The following CFAP221 variants were observed in gnomAD, a reference collection of about 807,000 sequenced individuals.
CFAP221 encodes the protein cilia- and flagella-associated protein 221.
A neutral mutation model predicts 113.1 loss-of-function variants in CFAP221; 97 were observed. The observed-to-expected ratio is 0.86, with a 90% CI of 0.73 to 1.02. CFAP221 has a LOEUF of 1.02. Ranked by LOEUF, CFAP221 falls within the 50% of genes least tolerant of loss-of-function variation. CFAP221 has a pLI of 0.00. For synonymous variants in CFAP221, 331 were observed against 354.4 expected (o/e 0.93, Z 0.74); for missense variants, 1,025 against 1,013.4 (o/e 1.01, Z -0.16).
chr2:119,564,171 G>A (rs1681459923), intron 6 of CFAP221, among the ~76,000 whole-genome samples: 1 of 152,176 alleles, frequency 6.6e-6, no homozygotes, highest in Non-Finnish European at 1.5e-5. Flanking sequence ...TTTTAGTGGT[G>A]GTAGAGGCTT....
intron 21 of CFAP221, among the ~76,000 whole-genome samples, chr2:119,645,078 TTC>T (rs1373051156): frequency 6.7e-6 from 1 of 149,176 alleles, no homozygotes; most frequent in Non-Finnish European, 1.5e-5. Flanking sequence ...TCTTTTTCTT[TTC>T]TCTTTCTTTT....
chr2:119,572,072 G>A (rs1437585757), intron 6 of CFAP221, among the ~76,000 whole-genome samples: 8 of 152,188 alleles, frequency 5.3e-5, no homozygotes, highest in Non-Finnish European at 1.5e-5. Flanking sequence ...GAATTGGGCT[G>A]GTATGTATTC....
chr2:119,634,499 T>C (rs958599900), intron 19 of CFAP221, among the ~76,000 whole-genome samples: 7 of 151,890 alleles, frequency 4.6e-5, no homozygotes, highest in African/African-American at 1.7e-4. Context: ...AAACAGGATA[T>C]CAAAGAGATA....
chr2:119,622,785 A>G (rs1011903569), intron 14 of CFAP221, among the ~76,000 whole-genome samples: 2 of 152,232 alleles, frequency 1.3e-5, no homozygotes, highest in African/African-American at 4.8e-5. Flanking sequence ...TTATCTTAAT[A>G]GATGCAGAAA....
Position 119,605,004 on chromosome 2 carries a change from C to A in CFAP221, c.1024+17C>A. 6.2e-7 allele frequency: 1 copy of A among 1,603,972 alleles called. No individual in the cohort carries two copies. Among genetic ancestry groups the A allele is most frequent in the African/African-American group, 1.3e-5 (1 of 74,758 alleles). ...TAAGAGAAGGTAACCAGTTGATTGG[C>A]CATAAAGCAGCCCCTGAGCAGAATA... On this transcript the variant is annotated intron_variant, in intron 10 of 23. Coordinates refer to ENST00000413369, the MANE Select transcript of CFAP221 (RefSeq NM_001271049.2).
Position 119,639,790 on chromosome 2 carries a change from C to A in CFAP221, c.2143C>A (p.Pro715Thr), listed in dbSNP as rs765107910. The A allele has an allele frequency of 6.8e-6, 11 of 1,613,972 alleles. No homozygotes were observed. The highest frequency in any genetic ancestry group is 9.3e-6 in the Non-Finnish European group (11 of 1,179,868). ...KQFLHHTDII[P>T]GIMHWKSFQS... is the part of the protein sequence containing the mutation. ...CTGACTTTCCTTACAGGACATTATT[C>A]CCGGAATAATGCACTGGAAAAGCTT... The change falls in exon 21 of 24, where the codon CCC (proline) becomes ACC (threonine). Residue 715 changes from proline (P) to threonine (T), a missense_variant. Pro to Thr is a conservative substitution (Grantham distance 38). Coordinates refer to ENST00000413369, the MANE Select transcript of CFAP221 (RefSeq NM_001271049.2).
chr2:119,545,312 G>A (rs955691427), intron 1 of CFAP221: 2 of 152,254 alleles, frequency 1.3e-5, no homozygotes, highest in Non-Finnish European at 2.9e-5. Flanking sequence ...GGGAATGTGA[G>A]ATTTGTAAAA....
At chr2:119,629,277 T>C (rs2104759152) in intron 16 of CFAP221, among the ~76,000 whole-genome samples, 1 of 152,206 alleles carries the variant, frequency 6.6e-6, no homozygotes, top group East Asian at 1.9e-4. Context: ...GCAGGAAGTG[T>C]ATTAGGCAGT....
At chr2:119,559,657 A>G in intron 3 of CFAP221, 32 bp from the exon 4 acceptor site, 2 of 1,466,242 alleles carry the variant, frequency 1.4e-6, no homozygotes, top group South Asian at 1.2e-5. Context: ...AAAGCCGTGT[A>G]TTTCCTCTAA....
rs1203012232 is a variant in CFAP221 at position 119,604,866 on chromosome 2, G to A, written c.913-10G>A. 3 of 1,613,452 alleles carry A rather than the reference G, an allele frequency of 1.9e-6. No individual in the cohort carries two copies. Among genetic ancestry groups the A allele is most frequent in the South Asian group, 1.1e-5 (1 of 90,974 alleles). On this transcript the variant is annotated splice_polypyrimidine_tract_variant and intron_variant, in intron 9 of 23. Transcript: ENST00000413369. Reference sequence around the variant, plus strand: ...GACTAACTGATTTCCCTATTGATTTGGTCTCTTAGGAAATTGAGTACCAGA... The same window carrying A: ...GACTAACTGATTTCCCTATTGATTTAGTCTCTTAGGAAATTGAGTACCAGA...
chr2:119,560,045 C>CTTTTTTT lies in CFAP221; in HGVS notation c.426+33_426+39dup, dbSNP rs35631078. On this transcript the variant is annotated intron_variant, in intron 5 of 23. Coordinates refer to ENST00000413369, the MANE Select transcript of CFAP221 (RefSeq NM_001271049.2). ...CTGTAAGGTAGGTCTCTTAAAATTG[C>CTTTTTTT]TTTTTTTTTTTTTTTTTTTTGATGG... 1.4e-5 allele frequency: 12 copies of CTTTTTTT among 875,956 alleles called. No homozygotes were observed. The highest frequency in any genetic ancestry group is 1.3e-4 in the Admixed American group (4 of 31,556). The allele number at this position is 875,956 out of a possible 1,614,324, so 54.3% of individuals were successfully genotyped here.
At chr2:119,590,176 T>TA (rs1683503108) in intron 7 of CFAP221, 2 of 152,206 alleles carry the variant, frequency 1.3e-5, no homozygotes, top group African/African-American at 2.4e-5. Context: ...GGCTGTTGCT[T>TA]AGAGTTCTTA....
intron 6 of CFAP221, among the ~76,000 whole-genome samples, chr2:119,574,626 A>G (rs575068570): frequency 6.6e-6 from 1 of 152,290 alleles, no homozygotes; most frequent in South Asian, 2.1e-4. Context: ...TGACACCTGA[A>G]CACTGCACAA....
At position 119,608,582 on chromosome 2, in the gene CFAP221, A is replaced by G. The variant is rs1271989481; in HGVS notation, c.1214A>G (p.Lys405Arg). ...LTEEWQKACA[K>R]YKLDRGDPIL... ...GAAGAGTGGCAAAAAGCATGTGCCA[A>G]ATATAAGGTCAGAGTTACTGCTAAT... Residue 405 changes from lysine (K) to arginine (R), a missense_variant, in exon 12 of 24, where the codon AAA becomes AGA. Transcript: ENST00000413369. The G allele has an allele frequency of 6.2e-7, 1 of 1,611,082 alleles. No homozygotes were observed. The highest frequency in any genetic ancestry group is 8.5e-7 in the Non-Finnish European group (1 of 1,177,484).
At chr2:119,559,236 G>T (rs190667455) in intron 3 of CFAP221, among the ~76,000 whole-genome samples, 1 of 152,146 alleles carries the variant, frequency 6.6e-6, no homozygotes, top group Non-Finnish European at 1.5e-5. Flanking sequence ...TCTTAGTCAC[G>T]TTCTTTTTCC....
At chr2:119,637,191 T>C (rs1162194178) in intron 19 of CFAP221, among the ~76,000 whole-genome samples, 1 of 152,186 alleles carries the variant, frequency 6.6e-6, no homozygotes, top group Non-Finnish European at 1.5e-5. Flanking sequence ...CATCGTTGCC[T>C]TCCTGCCCTC....
chr2:119,632,470 T>C (rs1686839213), intron 19 of CFAP221, among the ~76,000 whole-genome samples: 1 of 152,134 alleles, frequency 6.6e-6, no homozygotes, highest in African/African-American at 2.4e-5. Context: ...AAGTGCGGGA[T>C]AGAAGGGAAC....
intron 2 of CFAP221, among the ~76,000 whole-genome samples, chr2:119,548,350 C>T (rs941084248): frequency 2.0e-5 from 3 of 152,140 alleles, no homozygotes; most frequent in Non-Finnish European, 4.4e-5. Flanking sequence ...TAATACCTAC[C>T]TCAAAGGGCT....
rs142531183 is a variant in CFAP221 at position 119,655,402 on chromosome 2, G to A, written c.2415-960G>A. Among the ~76,000 whole-genome samples, 867 of 152,244 alleles carry A rather than the reference G, an allele frequency of 5.7e-3. 8 individuals are homozygous for A. Among genetic ancestry groups the A allele is most frequent in the African/African-American group, 0.02 (812 of 41,540 alleles). ...TTTTTAGACATGATTCCATAAAATG[G>A]TACCAATTAATTTCTTTAATTATGT... is the stretch of plus-strand genomic sequence containing the variant. On this transcript the variant is annotated intron_variant, in intron 23 of 23. Coordinates refer to ENST00000413369, the MANE Select transcript of CFAP221 (RefSeq NM_001271049.2).
Sources: allele counts gnomAD v4.1 joint callset (sites outside exome capture counted in the v4.1 genomes callset), GRCh38; gene constraint gnomAD v4.1.1; transcripts MANE v1.5; gene names NCBI Gene and HGNC (gene_info 2026-07-23, HGNC 2026-07-21).